Variants in PPFIA4 observed in about 807,000 individuals in gnomAD.
The protein encoded by PPFIA4 is liprin-alpha-4.
Under a neutral mutation model 145.7 loss-of-function variants are expected in PPFIA4, and 98 were observed. The observed-to-expected ratio is 0.67, with a 90% CI of 0.57 to 0.80. PPFIA4 has a LOEUF of 0.80. PPFIA4 is among the 30% of genes least tolerant of loss of function. PPFIA4 has a pLI of 0.00. For missense variants in PPFIA4, 1,457 were observed against 1,632.7 expected, an observed-to-expected ratio of 0.89 and a Z score of 1.85; for synonymous variants, 628 against 649.6, an observed-to-expected ratio of 0.97 and a Z score of 0.51.
In PPFIA4 at chr1:203,076,403, G is replaced by C; in HGVS notation, c.*13G>C. ...CTTCCGGGACTAGCCATGGCCCCCA[G>C]GGCTGGCTTCCTCCTTCTGGGTTTC... is the stretch of plus-strand genomic sequence containing the variant. On this transcript the variant is annotated 3_prime_UTR_variant, in exon 30 of 30. Transcript: ENST00000295706. 6.2e-7 allele frequency: 1 copy of C among 1,607,664 alleles called. No homozygotes were observed. Among genetic ancestry groups the C allele is most frequent in the Non-Finnish European group, 8.5e-7 (1 of 1,178,996 alleles).
At position 203,049,745 on chromosome 1, in the gene PPFIA4, T is replaced by C; in HGVS notation, c.1489T>C (p.Phe497Leu). Residue 497 changes from phenylalanine to leucine, a missense_variant, in exon 13 of 30, where the codon TTT (phenylalanine) becomes CTT (leucine). Physicochemically the swap from Phe to Leu is conservative, Grantham distance 22. Transcript: ENST00000295706. ...CCAGCTGAAGGGCCGAGGGGGGCCG[T>C]TTGTGGATGGCGTCCACTCCAGGTA... Reference protein sequence around the residue: ...VDQLKGRGGPFVDGVHSRSHM... With the variant: ...VDQLKGRGGPLVDGVHSRSHM... 6 of 1,583,866 alleles carry C rather than the reference T, an allele frequency of 3.8e-6. No homozygotes were observed. Among genetic ancestry groups the C allele is most frequent in the Non-Finnish European group, 3.4e-6 (4 of 1,164,310 alleles).
Position 203,032,911 on chromosome 1 carries a change from T to C in PPFIA4, c.-399-5699T>C, listed in dbSNP as rs1461334609. Among the ~76,000 whole-genome samples, 3 of 152,146 alleles carry C rather than the reference T, an allele frequency of 2.0e-5. No homozygotes were observed. The East Asian group carries it at 5.8e-4, about 29-fold the overall frequency. On this transcript the variant is annotated intron_variant, in intron 1 of 29. Coordinates refer to ENST00000295706, the MANE Select transcript of PPFIA4 (RefSeq NM_001304331.2). ...ATGGTTTAGACAGTAAGTTCTGTGC[T>C]CACTCAAGTGATAGGCCATGTCTTG...
rs1659831847 is a variant in PPFIA4, at chr1:203,043,341, AG to A, written c.235-54del. ...GATCCCACCACTGACTTGCATGTGC[AG>A]GACACTGCTTTGGGGGTGAATCCTG... is the stretch of plus-strand genomic sequence containing the variant. On this transcript the variant is annotated intron_variant, in intron 2 of 29. Transcript: ENST00000295706. The surrounding 1 kb of genome is among the most constrained non-coding windows in gnomAD (Gnocchi z 4.4). 2 of 1,473,970 alleles carry A rather than the reference AG, an allele frequency of 1.4e-6. No homozygotes were observed. Among genetic ancestry groups the A allele is most frequent in the Non-Finnish European group, 1.9e-6 (2 of 1,073,122 alleles). The allele number at this position is 1,473,970 out of a possible 1,614,324, so 91.3% of individuals were successfully genotyped here.
chr1:203,053,368 A>T (rs1267850262), intron 14 of PPFIA4, among the ~76,000 whole-genome samples: 1 of 152,104 alleles, frequency 6.6e-6, no homozygotes, highest in Non-Finnish European at 1.5e-5. Context: ...CCCCGTCTCT[A>T]CTAAAATACA....
At chr1:203,044,327 T>C in intron 4 of PPFIA4, 52 bp from the exon 5 acceptor site, 1 of 1,508,636 alleles carries the variant, frequency 6.6e-7, no homozygotes, top group Non-Finnish European at 9.0e-7. Flanking sequence ...TCTTCCAGCC[T>C]GACTCAAGTG....
Position 203,078,474 on chromosome 1 carries a change from G to C in PPFIA4, c.*2084G>C, listed in dbSNP as rs1662679774. The C allele has an allele frequency of 1.3e-5, 2 of 152,634 alleles. No homozygotes were observed. The highest frequency in any genetic ancestry group is 2.4e-5 in the African/African-American group (1 of 41,430). 9.5% of individuals were successfully genotyped at this position (152,634 alleles called of 1,614,324 possible). A position where few individuals can be genotyped will look rare whatever the true frequency, so the allele number is the denominator to read the frequency against. On this transcript the variant is annotated 3_prime_UTR_variant, in exon 30 of 30. Transcript: ENST00000295706. ...CAGAGCACCTTGAGAAGTGTTGCAG[G>C]GAGGTGTTAAGAAGAGAACTCTGTG...
chr1:203,071,840 C>T (rs2102695438), intron 28 of PPFIA4, 80 bp downstream of exon 28: 8 of 1,225,756 alleles, frequency 6.5e-6, no homozygotes, highest in Non-Finnish European at 9.5e-6. Flanking sequence ...TCTGCCTTCC[C>T]TGGGCTAATT....
Position 203,068,614 on chromosome 1 carries a change from A to G in PPFIA4, c.3310A>G (p.Thr1104Ala). The G allele has an allele frequency of 6.5e-7, 1 of 1,540,820 alleles. No individual in the cohort carries two copies. Among genetic ancestry groups the G allele is most frequent in the Non-Finnish European group, 8.7e-7 (1 of 1,147,170 alleles). ...ACTGGCCCTGATCCTCCAGATCCCC[A>G]CACAGAACACCCAGGTGGGCAGCCT... Reference protein sequence around the residue: ...NTLALILQIPTQNTQARQVME... With the variant: ...NTLALILQIPAQNTQARQVME... Residue 1104 changes from threonine to alanine, a missense_variant, in exon 27 of 30, where the codon ACA becomes GCA. Thr to Ala is a moderately conservative substitution (Grantham distance 58, BLOSUM62 0). Around this residue, in one of 3 missense-constraint regions of PPFIA4, gnomAD observed 848 missense variants for 1,046.7 expected, o/e 0.81. Coordinates refer to ENST00000295706, the MANE Select transcript of PPFIA4 (RefSeq NM_001304331.2). This position sits in a 1 kb window ranked among gnomAD's most constrained non-coding sequence, Gnocchi z 4.7.
Position 203,048,882 on chromosome 1 carries a change from A to G in PPFIA4, c.1357-36A>G. 5 of 1,545,728 alleles carry G rather than the reference A, an allele frequency of 3.2e-6. No homozygotes were observed. The highest frequency in any genetic ancestry group is 4.4e-6 in the Non-Finnish European group (5 of 1,145,098). ...AGGCTCAGGTCTGGAATGGGAGAGG[A>G]AGGCAGGGGCCTGGCTCACAGCTGC... is the stretch of plus-strand genomic sequence containing the variant. On this transcript the variant is annotated intron_variant, in intron 11 of 29. Transcript: ENST00000295706. This position sits in a 1 kb window ranked among gnomAD's most constrained non-coding sequence, Gnocchi z 5.8.
In PPFIA4 at chr1:203,055,351, G is replaced by A. The variant is rs958503936; in HGVS notation, c.1830-81G>A. On this transcript the variant is annotated intron_variant, in intron 15 of 29. Coordinates refer to ENST00000295706, the MANE Select transcript of PPFIA4 (RefSeq NM_001304331.2). This position sits in a 1 kb window ranked among gnomAD's most constrained non-coding sequence, Gnocchi z 4.8. ...TACACCGCATGTGGTCCTTGGTGGCGAGTGCAGGCATCGACCCGCACTGCC... is the reference window on the plus strand; with the variant it reads ...TACACCGCATGTGGTCCTTGGTGGCAAGTGCAGGCATCGACCCGCACTGCC... 8.3e-6 allele frequency: 13 copies of A among 1,567,412 alleles called. No homozygotes were observed. Among genetic ancestry groups the A allele is most frequent in the African/African-American group, 8.1e-5 (6 of 74,046 alleles).
Position 203,076,770 on chromosome 1 carries a change from A to T in PPFIA4, c.*380A>T. ...CCAGGATCCTGGGCCACAGGCTGGG[A>T]TGGTCCTTCCAAGAAAGGGTCATTT... On this transcript the variant is annotated 3_prime_UTR_variant, in exon 30 of 30. Coordinates refer to ENST00000295706, the MANE Select transcript of PPFIA4 (RefSeq NM_001304331.2). 1 of 292,704 alleles carries T rather than the reference A, an allele frequency of 3.4e-6. No individual in the cohort carries two copies. The highest frequency in any genetic ancestry group is 4.9e-5 in the South Asian group (1 of 20,416). 18.1% of individuals were successfully genotyped at this position (292,704 alleles called of 1,614,324 possible).
At chr1:203,061,432 G>T (rs1236942801) in intron 23 of PPFIA4, 2 of 530,772 alleles carry the variant, frequency 3.8e-6, no homozygotes, top group Non-Finnish European at 6.7e-6. Context: ...AGCCTGGGAG[G>T]TGTGTGTTTT....
At chr1:203,032,413 T>G (rs1384933617) in intron 1 of PPFIA4, among the ~76,000 whole-genome samples, 1 of 115,184 alleles carries the variant, frequency 8.7e-6, no homozygotes, top group African/African-American at 3.1e-5. Context: ...GGCTTGTAGT[T>G]CTCCCTTCCC....
Position 203,043,548 on chromosome 1 carries a change from G to T in PPFIA4, c.336+50G>T, listed in dbSNP as rs1221571557. ...CGCGCGCGCACGTGTGTGTGTGTGT[G>T]TATGGGGGTGTGTTGTGAACACCTT... On this transcript the variant is annotated intron_variant, in intron 3 of 29. Transcript: ENST00000295706. The surrounding 1 kb of genome is among the most constrained non-coding windows in gnomAD (Gnocchi z 4.4). 7.0e-7 allele frequency: 1 copy of T among 1,422,882 alleles called. No individual in the cohort carries two copies. Among genetic ancestry groups the T allele is most frequent in the Non-Finnish European group, 9.7e-7 (1 of 1,028,350 alleles). The allele number at this position is 1,422,882 out of a possible 1,614,324, so 88.1% of individuals were successfully genotyped here.
intron 14 of PPFIA4, among the ~76,000 whole-genome samples, chr1:203,053,389 C>T (rs1174069505): frequency 1.3e-5 from 2 of 152,042 alleles, no homozygotes; most frequent in Non-Finnish European, 2.9e-5. Flanking sequence ...AAAAATCAGC[C>T]GGGCGTGGTG....
chr1:203,055,031 C>G lies in PPFIA4; in HGVS notation c.1830-401C>G, dbSNP rs1340644214. Among the ~76,000 whole-genome samples, 1 of 152,136 alleles carries G rather than the reference C, an allele frequency of 6.6e-6. No individual in the cohort carries two copies. Among genetic ancestry groups the G allele is most frequent in the Admixed American group, 6.5e-5 (1 of 15,274 alleles). On this transcript the variant is annotated intron_variant, in intron 15 of 29. Coordinates refer to ENST00000295706, the MANE Select transcript of PPFIA4 (RefSeq NM_001304331.2). This position sits in a 1 kb window ranked among gnomAD's most constrained non-coding sequence, Gnocchi z 4.8. ...TCATTTTTCTGTGGAACAGGGAAAA[C>G]CCCACCAGGGGTCAGCATCATTTAA...
At chr1:203,059,480 A>G (rs1661213178) in intron 20 of PPFIA4, among the ~76,000 whole-genome samples, 1 of 152,200 alleles carries the variant, frequency 6.6e-6, no homozygotes, top group African/African-American at 2.4e-5. Flanking sequence ...GGGTTATGGG[A>G]CAGTGACCTG....
rs768321672 is a variant in PPFIA4, at chr1:203,055,532, C to T, written c.1930C>T (p.Arg644Cys). Residue 644 changes from arginine to cysteine, a missense_variant, in exon 16 of 30, where the codon CGC becomes TGC. Physicochemically the swap from Arg to Cys is radical, Grantham distance 180 (BLOSUM62 -3). Coordinates refer to ENST00000295706, the MANE Select transcript of PPFIA4 (RefSeq NM_001304331.2). The surrounding 1 kb of genome is among the most constrained non-coding windows in gnomAD (Gnocchi z 4.8). ...GGAAGCCCTAAACCTGAAGCAGCTGCGCAAGCGTGGTTCCATCCCCACCTC... is the reference window on the plus strand; with the variant it reads ...GGAAGCCCTAAACCTGAAGCAGCTGTGCAAGCGTGGTTCCATCCCCACCTC... ...SMEALNLKQL[R>C]KRGSIPTSLT... The T allele has an allele frequency of 5.4e-5, 87 of 1,614,020 alleles. No individual in the cohort carries two copies. Among genetic ancestry groups the T allele is most frequent in the Middle Eastern group, 1.6e-4 (1 of 6,062 alleles).
rs939331074 is a variant in PPFIA4, at chr1:203,075,354, A to G, written c.3394-223A>G. ...CTCCCCCGCCCCACACACCCCCTCC[A>G]TCCGCCACCCAGAGACAGGGAATTT... is the stretch of plus-strand genomic sequence containing the variant. On this transcript the variant is annotated intron_variant, in intron 28 of 29. Coordinates refer to ENST00000295706, the MANE Select transcript of PPFIA4 (RefSeq NM_001304331.2). The surrounding 1 kb of genome is among the most constrained non-coding windows in gnomAD (Gnocchi z 4.1). 6.8e-6 allele frequency among the ~76,000 whole-genome samples: 1 copy of G among 147,236 alleles called. No homozygotes were observed. The highest frequency in any genetic ancestry group is 1.5e-5 in the Non-Finnish European group (1 of 66,832).
Sources: allele counts gnomAD v4.1 joint callset (sites outside exome capture counted in the v4.1 genomes callset), GRCh38; gene constraint gnomAD v4.1.1; regional missense constraint gnomAD v4.1.1; non-coding constraint Gnocchi (gnomAD v3.1); transcripts MANE v1.5; gene names NCBI Gene and HGNC (gene_info 2026-07-23, HGNC 2026-07-21).